ITSN1: variants seen among roughly 807,000 people sequenced by gnomAD.
ITSN1 encodes the protein intersectin-1.
ITSN1 carries 58 observed loss-of-function variants against 239.8 expected under a neutral mutation model. That is an observed-to-expected ratio of 0.24 (90% CI 0.20 to 0.30). The LOEUF (loss-of-function observed/expected upper bound fraction) is 0.30. Among genes scored for constraint, ITSN1 ranks in the 10% least tolerant of loss-of-function variants. The pLI, the probability that ITSN1 is intolerant of heterozygous loss-of-function variation, is 1.00. For missense variants in ITSN1, 1,558 were observed against 2,103.3 expected (o/e 0.74, Z 5.07); for synonymous variants, 780 against 770.8 (o/e 1.01, Z -0.20).
chr21:33,784,345 ACACACACACT>A (rs2070461403), intron 16 of ITSN1, among the ~76,000 whole-genome samples: 1 of 148,534 alleles, frequency 6.7e-6, no homozygotes, highest in African/African-American at 2.5e-5. Flanking sequence ...ACACACACAC[ACACACACACT>A]AGTCAGGTAT....
rs548882624 is a variant in ITSN1 at position 33,702,406 on chromosome 21, C to T, written c.-32-16391C>T. 1.3e-4 allele frequency among the ~76,000 whole-genome samples: 20 copies of T among 152,146 alleles called. No homozygotes were observed. The South Asian group carries it at 3.1e-3, about 24-fold the overall frequency. On this transcript the variant is annotated intron_variant, in intron 1 of 39. Coordinates refer to ENST00000381318, the MANE Select transcript of ITSN1 (RefSeq NM_003024.3). Reference sequence around the variant, plus strand: ...TGCTGGGTTTACAGGCGTGAGCCACCGCACCTGGCCAAAAAAATTTGAAAA... The same window carrying T: ...TGCTGGGTTTACAGGCGTGAGCCACTGCACCTGGCCAAAAAAATTTGAAAA...
chr21:33,780,976 T>C (rs1163086258), intron 14 of ITSN1, among the ~76,000 whole-genome samples: 4 of 152,218 alleles, frequency 2.6e-5, no homozygotes, highest in Admixed American at 2.6e-4. Context: ...TTCTAGTTGT[T>C]AAAAATCTTT....
intron 2 of ITSN1, among the ~76,000 whole-genome samples, chr21:33,720,515 A>C (rs2065418904): frequency 6.6e-6 from 1 of 152,124 alleles, no homozygotes; most frequent in African/African-American, 2.4e-5. Flanking sequence ...GGAAAACCTA[A>C]AACCCATTCT....
intron 4 of ITSN1, among the ~76,000 whole-genome samples, chr21:33,725,739 G>A (rs1041813002): frequency 1.3e-5 from 2 of 151,972 alleles, no homozygotes; most frequent in African/African-American, 2.4e-5. Context: ...TTTTTCTTAC[G>A]TTTTGCTAAA....
At chr21:33,678,578 A>G (rs2090738482) in intron 1 of ITSN1, among the ~76,000 whole-genome samples, 1 of 152,180 alleles carries the variant, frequency 6.6e-6, no homozygotes, top group Non-Finnish European at 1.5e-5. Context: ...CTCAGCTTTT[A>G]TATCGTGAGC....
At chr21:33,717,133 A>AT (rs916675357) in intron 1 of ITSN1, among the ~76,000 whole-genome samples, 32 of 151,630 alleles carry the variant, frequency 2.1e-4, no homozygotes, top group Non-Finnish European at 2.8e-4. Flanking sequence ...CAAGAGACTC[A>AT]TTTTTTTTAA....
intron 12 of ITSN1, among the ~76,000 whole-genome samples, chr21:33,773,239 C>G (rs1226498811): frequency 1.3e-5 from 2 of 152,160 alleles, no homozygotes; most frequent in Middle Eastern, 3.4e-3. Context: ...AGCTCCTGAC[C>G]TCGGGTGATC....
chr21:33,769,379 A>G (rs774437464), intron 11 of ITSN1, among the ~76,000 whole-genome samples: 3 of 152,222 alleles, frequency 2.0e-5, no homozygotes, highest in Non-Finnish European at 4.4e-5. Flanking sequence ...AGATGTATAG[A>G]GACTTGGAGA....
intron 1 of ITSN1, among the ~76,000 whole-genome samples, chr21:33,718,571 G>A (rs2065301158): frequency 6.6e-6 from 1 of 152,140 alleles, no homozygotes; most frequent in Admixed American, 6.6e-5. Context: ...AGGATCCACG[G>A]ATTTTTTTTT....
intron 33 of ITSN1, among the ~76,000 whole-genome samples, chr21:33,868,055 T>C (rs1330453235): frequency 1.3e-5 from 2 of 152,166 alleles, no homozygotes; most frequent in Non-Finnish European, 2.9e-5. Flanking sequence ...TTCCACGGTG[T>C]GGAAAGGGAC....
intron 14 of ITSN1, among the ~76,000 whole-genome samples, chr21:33,776,802 T>A (rs1420637311): frequency 6.6e-6 from 1 of 152,182 alleles, no homozygotes; most frequent in Non-Finnish European, 1.5e-5. Context: ...TCTTTTTATA[T>A]TCTTAACAAG....
intron 16 of ITSN1, among the ~76,000 whole-genome samples, chr21:33,786,438 T>C (rs1478482234): frequency 6.6e-6 from 1 of 152,250 alleles, no homozygotes; most frequent in Non-Finnish European, 1.5e-5. Flanking sequence ...GGGTAGTTTT[T>C]CTTACACACA....
intron 7 of ITSN1, among the ~76,000 whole-genome samples, chr21:33,752,909 C>G (rs1368212454): frequency 6.6e-6 from 1 of 152,010 alleles, no homozygotes; most frequent in African/African-American, 2.4e-5. Flanking sequence ...GTCATTTTCC[C>G]ACTTTCAAGA....
chr21:33,662,227 C>G (rs2089613026), intron 1 of ITSN1, among the ~76,000 whole-genome samples: 1 of 152,272 alleles, frequency 6.6e-6, no homozygotes, highest in African/African-American at 2.4e-5. Context: ...CTGGGTGTTA[C>G]TGAAGTGAAA....
At chr21:33,813,884 T>C (rs1278612157) in intron 21 of ITSN1, 29 bp from the exon 22 acceptor site, 7 of 1,608,742 alleles carry the variant, frequency 4.4e-6, no homozygotes, top group South Asian at 1.1e-5. Flanking sequence ...GAGTGCTTGT[T>C]ATTCATGGTG....
chr21:33,666,131 A>T lies in ITSN1; in HGVS notation c.-33+23418A>T, dbSNP rs191761255. Among the ~76,000 whole-genome samples the T allele has an allele frequency of 2.4e-3, 361 of 152,278 alleles. 1 individual carries two copies. Among genetic ancestry groups the T allele is most frequent in the African/African-American group, 8.0e-3 (333 of 41,554 alleles). ...TTTTTAGTAGAGACAGGGTTTCACCATGTTGGTCAGGCTGGTTTTGAACTC... is the reference window on the plus strand; with the variant it reads ...TTTTTAGTAGAGACAGGGTTTCACCTTGTTGGTCAGGCTGGTTTTGAACTC... On this transcript the variant is annotated intron_variant, in intron 1 of 39. Transcript: ENST00000381318.
At chr21:33,677,711 C>T (rs2090682632) in intron 1 of ITSN1, among the ~76,000 whole-genome samples, 1 of 152,104 alleles carries the variant, frequency 6.6e-6, no homozygotes, top group Admixed American at 6.6e-5. Flanking sequence ...TAGTAAATAG[C>T]GCTGTCAAAC....
chr21:33,868,968 A>AT (rs113260238), intron 33 of ITSN1, among the ~76,000 whole-genome samples: 19,396 of 149,390 alleles, frequency 0.13, 3,939 homozygotes, highest in African/African-American at 0.43. Context: ...TCTTTTTTTA[A>AT]TTTTTTTTTT....
chr21:33,891,440 C>A lies in ITSN1; in HGVS notation c.*3140C>A, dbSNP rs1986358986. 1 of 151,612 alleles carries A rather than the reference C, an allele frequency of 6.6e-6. No individual in the cohort carries two copies. 9.4% of individuals were successfully genotyped at this position (151,612 alleles called of 1,614,324 possible). ...AACTGATTTCTTTGGGTAGAGTAGC[C>A]CTGAATTTAACTGGGGAAAAAATCC... On this transcript the variant is annotated 3_prime_UTR_variant, in exon 40 of 40. Transcript: ENST00000381318.
Sources: gnomAD v4.1 joint callset for allele counts (sites outside exome capture counted in the v4.1 genomes callset) on GRCh38, gnomAD v4.1.1 for gene constraint, MANE v1.5 for transcripts, NCBI Gene and HGNC (gene_info 2026-07-23, HGNC 2026-07-21) for gene names.